Variants in DDAH1 observed in about 807,000 individuals in gnomAD.
DDAH1 encodes the protein dimethylarginine dimethylaminohydrolase 1.
A neutral mutation model predicts 28.8 loss-of-function variants in DDAH1; 19 were observed. That is an observed-to-expected ratio of 0.66 (90% CI 0.46 to 0.97). The LOEUF is 0.97. Among genes scored for constraint, DDAH1 ranks in the 50% least tolerant of loss-of-function variants. DDAH1 has a pLI of 0.00. For missense variants in DDAH1, 326 were observed against 375.9 expected (o/e 0.87, Z 1.10); for synonymous variants, 153 against 154.4 (o/e 0.99, Z 0.07).
intron 1 of DDAH1, among the ~76,000 whole-genome samples, chr1:85,417,471 C>T (rs1038792720): frequency 2.6e-5 from 4 of 152,146 alleles, no homozygotes; most frequent in Non-Finnish European, 5.9e-5. Context: ...TTGACAGGTC[C>T]CTTCCTGAGG....
intron 2 of DDAH1, among the ~76,000 whole-genome samples, chr1:85,484,434 G>T (rs1252345564): frequency 6.6e-6 from 1 of 152,134 alleles, no homozygotes; most frequent in East Asian, 1.9e-4. Context: ...TGCCAAGGAT[G>T]ATTCATTTGA....
At chr1:85,343,821 C>A (rs1042052432) in intron 4 of DDAH1, among the ~76,000 whole-genome samples, 1 of 152,080 alleles carries the variant, frequency 6.6e-6, no homozygotes. Flanking sequence ...TTTATATGAC[C>A]ATCTATAAAA....
chr1:85,338,812 G>A (rs904151756), intron 4 of DDAH1, among the ~76,000 whole-genome samples: 13 of 152,014 alleles, frequency 8.6e-5, no homozygotes, highest in African/African-American at 2.9e-4. Flanking sequence ...AGGCAGAGAT[G>A]GGGGATCATT....
chr1:85,554,281 T>G (rs1001923008), intron 1 of DDAH1, among the ~76,000 whole-genome samples: 3 of 149,560 alleles, frequency 2.0e-5, no homozygotes, highest in Middle Eastern at 3.4e-3. Flanking sequence ...TAAGAGTTTT[T>G]TTTTTTTTTT....
chr1:85,508,337 G>C (rs1407239821), intron 1 of DDAH1, among the ~76,000 whole-genome samples: 1 of 152,168 alleles, frequency 6.6e-6, no homozygotes, highest in Admixed American at 6.5e-5. Context: ...TTTTAAAAAG[G>C]CAAGGTAAGA....
At chr1:85,466,995 G>A (rs955718587), upstream of DDAH1, among the ~76,000 whole-genome samples, 3 of 151,130 alleles carry the variant, frequency 2.0e-5, no homozygotes, top group Non-Finnish European at 4.4e-5. Flanking sequence ...GTGCCACCAC[G>A]CCTGGCTAAT....
intron 1 of DDAH1, among the ~76,000 whole-genome samples, chr1:85,545,682 T>G (rs567394969): frequency 1.3e-5 from 2 of 152,296 alleles, no homozygotes; most frequent in Admixed American, 6.5e-5. Context: ...GCCCAAATAA[T>G]TAATCTTCTT....
At chr1:85,576,213 T>C (rs1246234798) in intron 1 of DDAH1, among the ~76,000 whole-genome samples, 3 of 152,078 alleles carry the variant, frequency 2.0e-5, no homozygotes, top group African/African-American at 7.2e-5. Context: ...CCCTATATAA[T>C]GTGTTAATTT....
At chr1:85,548,196 A>C (rs906008894) in intron 1 of DDAH1, among the ~76,000 whole-genome samples, 1 of 152,228 alleles carries the variant, frequency 6.6e-6, no homozygotes, top group Non-Finnish European at 1.5e-5. Flanking sequence ...TTCATTATGT[A>C]TATTTTAATC....
chr1:85,478,377 T>TAGTTTCC (rs1178477721), intron 2 of DDAH1, among the ~76,000 whole-genome samples: 4 of 152,162 alleles, frequency 2.6e-5, no homozygotes, highest in African/African-American at 9.6e-5. Context: ...TAAGACAGGG[T>TAGTTTCC]AGTTTATACA....
intron 1 of DDAH1, among the ~76,000 whole-genome samples, chr1:85,389,685 T>C (rs1177988615): frequency 6.6e-6 from 1 of 152,150 alleles, no homozygotes; most frequent in Non-Finnish European, 1.5e-5. Flanking sequence ...CAGGAGATGC[T>C]AACAAGTTTT....
At chr1:85,469,714 C>T (rs1348413993), upstream of DDAH1, among the ~76,000 whole-genome samples, 2 of 152,110 alleles carry the variant, frequency 1.3e-5, no homozygotes. Flanking sequence ...CAGACCAAAT[C>T]TCACCCACAA....
intron 1 of DDAH1, among the ~76,000 whole-genome samples, chr1:85,510,176 G>T (rs1442611224): frequency 6.6e-6 from 1 of 152,198 alleles, no homozygotes; most frequent in Non-Finnish European, 1.5e-5. Flanking sequence ...CAAGCCAGAA[G>T]AAAGTGGGGG....
intron 1 of DDAH1, among the ~76,000 whole-genome samples, chr1:85,410,955 A>G (rs1466266273): frequency 6.6e-6 from 1 of 152,176 alleles, no homozygotes; most frequent in Admixed American, 6.5e-5. Context: ...GAGACAGTAT[A>G]AAAGGGTAGA....
At chr1:85,350,886 T>C (rs1300222581) in intron 3 of DDAH1, among the ~76,000 whole-genome samples, 2 of 152,086 alleles carry the variant, frequency 1.3e-5, no homozygotes, top group Non-Finnish European at 2.9e-5. Flanking sequence ...TCCCTTCCTA[T>C]GCAGTGTAGA....
chr1:85,448,212 C>A, intron 1 of DDAH1: 1 of 160,534 alleles, frequency 6.2e-6, no homozygotes, highest in Non-Finnish European at 1.3e-5. Context: ...CTTCTTCTTC[C>A]AATGTGGCCC....
intron 4 of DDAH1, among the ~76,000 whole-genome samples, chr1:85,347,899 C>CTATT (rs1202022788): frequency 6.6e-6 from 1 of 152,164 alleles, no homozygotes; most frequent in Non-Finnish European, 1.5e-5. Context: ...GAACCTGTGA[C>CTATT]TATTTCCTTA....
chr1:85,457,753 G>T (rs548783506), intron 1 of DDAH1, among the ~76,000 whole-genome samples: 3 of 152,214 alleles, frequency 2.0e-5, no homozygotes, highest in Non-Finnish European at 4.4e-5. Flanking sequence ...GCTGTGGCGT[G>T]ATCTTGGCTC....
At chr1:85,475,154 T>C (rs531081156) in intron 2 of DDAH1, among the ~76,000 whole-genome samples, 1 of 152,328 alleles carries the variant, frequency 6.6e-6, no homozygotes, top group South Asian at 2.1e-4. Flanking sequence ...TGTACAATCC[T>C]GGTCAATTAA....
Sources: allele counts gnomAD v4.1 joint callset (sites outside exome capture counted in the v4.1 genomes callset), GRCh38; gene constraint gnomAD v4.1.1; transcripts MANE v1.5; gene names NCBI Gene and HGNC (gene_info 2026-07-23, HGNC 2026-07-21).